The following NEMF variants were observed in gnomAD, a reference collection of about 807,000 sequenced individuals.
The protein encoded by NEMF is nuclear export mediator factor.
A neutral mutation model predicts 162.2 loss-of-function variants in NEMF; 89 were observed. That is an observed-to-expected ratio of 0.55 (90% CI 0.46 to 0.65). The LOEUF (loss-of-function observed/expected upper bound fraction) is 0.65. NEMF is among the 30% of genes least tolerant of loss of function. The probability of loss-of-function intolerance (pLI) is 0.00; values close to 1 mark genes in which losing one functional copy is unlikely to be tolerated. For missense variants in NEMF, 1,133 were observed against 1,261.9 expected (o/e 0.90, Z 1.55); for synonymous variants, 421 against 404.5 (o/e 1.04, Z -0.49).
At chr14:49,796,475 T>TA in intron 25 of NEMF, 1 of 189,896 alleles carries the variant, frequency 5.3e-6, no homozygotes, top group South Asian at 7.2e-5. Flanking sequence ...ATACTCTGAA[T>TA]TTTTTTTTTT....
rs531389269 is a variant in NEMF, at chr14:49,815,970, T to A, written c.1578-1113A>T. Among the ~76,000 whole-genome samples the A allele has an allele frequency of 6.6e-5, 10 of 151,850 alleles. No homozygotes were observed. The East Asian group carries it at 1.9e-3, about 29-fold the overall frequency. ...CAGAACGAGACTCTGTCTCAAAAAA[T>A]AAATAAATAAAAAACAAAAAATATA... On this transcript the variant is annotated intron_variant, in intron 16 of 32. Transcript: ENST00000298310.
chr14:49,843,653 C>T (rs1015433706), intron 4 of NEMF, among the ~76,000 whole-genome samples: 2 of 152,182 alleles, frequency 1.3e-5, no homozygotes, highest in Admixed American at 1.3e-4. Context: ...CTAATACATC[C>T]ACCAAAGATA....
At chr14:49,834,043 T>C (rs1176297822) in intron 7 of NEMF, 10 of 451,706 alleles carry the variant, frequency 2.2e-5, no homozygotes, top group Admixed American at 1.7e-4. Flanking sequence ...AACTAAAACA[T>C]TCACTAAAAT....
intron 8 of NEMF, among the ~76,000 whole-genome samples, chr14:49,832,792 GC>G (rs1169859645): frequency 6.6e-6 from 1 of 152,128 alleles, no homozygotes; most frequent in Admixed American, 6.5e-5. Context: ...ATGGTTGGGA[GC>G]TGTAAATCAC....
chr14:49,788,666 T>C (rs1890298355), intron 28 of NEMF, among the ~76,000 whole-genome samples: 1 of 151,642 alleles, frequency 6.6e-6, no homozygotes, highest in Non-Finnish European at 1.5e-5. Context: ...CACGCTATTC[T>C]GCCTCAGCCT....
At chr14:49,836,407 T>G (rs1014738661) in intron 6 of NEMF, among the ~76,000 whole-genome samples, 2 of 152,136 alleles carry the variant, frequency 1.3e-5, no homozygotes, top group Admixed American at 1.3e-4. Flanking sequence ...ATCCCAGCAC[T>G]TTGGGAGGCT....
At chr14:49,819,178 G>A (rs1036124938) in intron 16 of NEMF, among the ~76,000 whole-genome samples, 6 of 152,062 alleles carry the variant, frequency 3.9e-5, no homozygotes, top group Admixed American at 3.9e-4. Context: ...ACAAGTTACA[G>A]TAACATGAGT....
chr14:49,796,491 CG>C (rs1049614174), intron 25 of NEMF, among the ~76,000 whole-genome samples: 1 of 151,396 alleles, frequency 6.6e-6, no homozygotes. Context: ...TTTTTTAAAA[CG>C]GAGTTTGTGC....
At chr14:49,845,301 C>T (rs1893444882) in intron 4 of NEMF, among the ~76,000 whole-genome samples, 1 of 151,682 alleles carries the variant, frequency 6.6e-6, no homozygotes, top group African/African-American at 2.4e-5. Flanking sequence ...GCCATGTTGG[C>T]CAGGCTGGTC....
chr14:49,851,854 G>A lies in NEMF; in HGVS notation c.81C>T (p.Asn27=). 6.3e-7 allele frequency: 1 copy of A among 1,586,246 alleles called. No individual in the cohort carries two copies. The highest frequency in any genetic ancestry group is 8.6e-7 in the Non-Finnish European group (1 of 1,162,576). ...LNASLLGMRV[N]NVYDVDNKTY... Reference sequence around the variant, plus strand: ...TCTTATTATCCACATCATAAACATTGTTTACTCTCATTCCTAGCAAGCTGC... The same window carrying A: ...TCTTATTATCCACATCATAAACATTATTTACTCTCATTCCTAGCAAGCTGC... The change falls in exon 2 of 33, where the codon AAC becomes AAT. Residue 27 remains asparagine, a synonymous_variant. Coordinates refer to ENST00000298310, the MANE Select transcript of NEMF (RefSeq NM_004713.6).
At chr14:49,793,118 A>C (rs528197659) in intron 26 of NEMF, among the ~76,000 whole-genome samples, 5 of 152,362 alleles carry the variant, frequency 3.3e-5, no homozygotes, top group African/African-American at 9.6e-5. Flanking sequence ...AAAATCTTAG[A>C]AACAGTTCCT....
At chr14:49,841,578 G>GAAAAAAAAAAAAAAAAAAAAAAAAAAAAA (rs535773426) in intron 4 of NEMF, among the ~76,000 whole-genome samples, 1 of 73,316 alleles carries the variant, frequency 1.4e-5, no homozygotes. Context: ...CTCGTCTTAA[G>GAAAAAAAAAAAAAAAAAAAAAAAAAAAAA]AAAAAAAAAA....
At chr14:49,821,714 G>A (rs1374037438) in intron 16 of NEMF, among the ~76,000 whole-genome samples, 3 of 130,446 alleles carry the variant, frequency 2.3e-5, no homozygotes, top group East Asian at 2.5e-4. Context: ...CCGGCCAGCC[G>A]CCCCGTCCAG....
chr14:49,833,002 A>T (rs1384739897), intron 8 of NEMF, among the ~76,000 whole-genome samples: 1 of 152,232 alleles, frequency 6.6e-6, no homozygotes, highest in Non-Finnish European at 1.5e-5. Context: ...GCAGTGGCCC[A>T]TGTCTATAAT....
At position 49,786,745 on chromosome 14, in the gene NEMF, C is replaced by G. The variant is rs751753650; in HGVS notation, c.2901G>C (p.Glu967Asp). Reference sequence around the variant, plus strand: ...CATTTCCCTGTTGATCCAGATCTTGCTCTTCCTGTTCCGAACATATAAAAA... The same window carrying G: ...CATTTCCCTGTTGATCCAGATCTTGGTCTTCCTGTTCCGAACATATAAAAA... ...AVDDPHDDKE[E>D]QDLDQQGNEE... Residue 967 changes from glutamate (E) to aspartate (D), a missense_variant, in exon 29 of 33, where the codon GAG (glutamate) becomes GAC (aspartate). By Grantham distance (45) the Glu-to-Asp change is conservative. Transcript: ENST00000298310. 5 of 1,613,208 alleles carry G rather than the reference C, an allele frequency of 3.1e-6. No homozygotes were observed. Among genetic ancestry groups the G allele is most frequent in the Admixed American group, 1.7e-5 (1 of 59,994 alleles).
intron 18 of NEMF, among the ~76,000 whole-genome samples, chr14:49,811,981 T>C (rs1891501613): frequency 6.6e-6 from 1 of 152,200 alleles, no homozygotes; most frequent in Admixed American, 6.5e-5. Context: ...TGGAAGAGTT[T>C]GTGAAGAACT....
intron 17 of NEMF, 33 bp from the exon 18 acceptor site, chr14:49,814,083 A>C (rs1337267752): frequency 8.1e-7 from 1 of 1,242,006 alleles, no homozygotes; most frequent in African/African-American, 1.5e-5. Flanking sequence ...ATGACACTTT[A>C]AGTCCTAATT....
chr14:49,831,686 C>A (rs1291645530), intron 10 of NEMF, among the ~76,000 whole-genome samples: 1 of 152,168 alleles, frequency 6.6e-6, no homozygotes, highest in East Asian at 1.9e-4. Flanking sequence ...ATCTGCCTGC[C>A]TTGGCCTCCC....
In NEMF at chr14:49,840,461, CAA is replaced by C. The variant is rs10706756; in HGVS notation, c.506+255_506+256del. Among the ~76,000 whole-genome samples, 837 of 140,776 alleles carry C rather than the reference CAA, an allele frequency of 5.9e-3. 3 individuals carry two copies. The highest frequency in any genetic ancestry group is 0.017 in the African/African-American group (675 of 38,586). The allele number at this position is 140,776 out of a possible 152,430, so 92.4% of individuals were successfully genotyped here. On this transcript the variant is annotated intron_variant, in intron 5 of 32. Coordinates refer to ENST00000298310, the MANE Select transcript of NEMF (RefSeq NM_004713.6). ...TGAGCAACAGAGCGAGACTCCATCT[CAA>C]AAAAAAAAAAAACACCTAAGGACAT...
Sources: gnomAD v4.1 joint callset for allele counts (sites outside exome capture counted in the v4.1 genomes callset) on GRCh38, gnomAD v4.1.1 for gene constraint, MANE v1.5 for transcripts, NCBI Gene and HGNC (gene_info 2026-07-23, HGNC 2026-07-21) for gene names.